Variants in ESF1 observed in about 807,000 individuals in gnomAD.
ESF1 encodes ESF1 nucleolar pre-rRNA processing protein, also known as ESF1 homolog.
In ESF1, 58 loss-of-function variants were observed where a neutral mutation model predicts 92.0. The observed-to-expected ratio is 0.63, with a 90% CI of 0.51 to 0.78. ESF1 has a LOEUF of 0.78. Among genes scored for constraint, ESF1 ranks in the 30% least tolerant of loss-of-function variants. The probability of loss-of-function intolerance (pLI) is 0.00; values close to 1 mark genes in which losing one functional copy is unlikely to be tolerated. For synonymous variants in ESF1, 321 were observed against 313.7 expected, an observed-to-expected ratio of 1.02 and a Z score of -0.24; for missense variants, 922 against 989.1, an observed-to-expected ratio of 0.93 and a Z score of 0.91.
At chr20:13,747,490 G>C (rs929480556) in intron 9 of ESF1, among the ~76,000 whole-genome samples, 2 of 151,882 alleles carry the variant, frequency 1.3e-5, no homozygotes, top group Non-Finnish European at 1.5e-5. Context: ...GCTTGAACCC[G>C]GGAGGTGGAG....
At chr20:13,747,104 T>G (rs1246226520) in intron 9 of ESF1, among the ~76,000 whole-genome samples, 1 of 152,140 alleles carries the variant, frequency 6.6e-6, no homozygotes, top group Admixed American at 6.5e-5. Context: ...TAATTTGTCA[T>G]CCACTGGTGG....
chr20:13,769,172 G>A (rs1353699440), intron 7 of ESF1, among the ~76,000 whole-genome samples: 1 of 152,030 alleles, frequency 6.6e-6, no homozygotes, highest in Non-Finnish European at 1.5e-5. Context: ...AATAACTGAT[G>A]TATTAGAGTG....
At chr20:13,721,217 C>G (rs570791152) in intron 11 of ESF1, among the ~76,000 whole-genome samples, 1 of 152,252 alleles carries the variant, frequency 6.6e-6, no homozygotes, top group African/African-American at 2.4e-5. Flanking sequence ...TAACACAGAG[C>G]AAAGAGAATT....
chr20:13,772,580 C>T lies in ESF1; in HGVS notation c.1185G>A (p.Lys395=), dbSNP rs1200093159. Residue 395 remains lysine (K), a synonymous_variant, in exon 5 of 14, where the codon AAG becomes AAA. Transcript: ENST00000617257. The part of the protein sequence containing the change: ...YPSEFGKERM[K]EEQVQGPVEL... ...CTACTGGTCCTTGAACTTGCTCTTC[C>T]TTCATCCTCTCCTTTCCAAATTCTG... 1.2e-6 allele frequency: 2 copies of T among 1,612,722 alleles called. No individual in the cohort carries two copies. The highest frequency in any genetic ancestry group is 2.7e-5 in the African/African-American group (2 of 74,884).
intron 6 of ESF1, among the ~76,000 whole-genome samples, chr20:13,770,452 T>A (rs976466439): frequency 4.6e-5 from 7 of 152,322 alleles, no homozygotes; most frequent in Middle Eastern, 3.4e-3. Context: ...CACTGAAGTC[T>A]CAACGGCCTG....
At chr20:13,763,435 G>T (rs769758089) in intron 8 of ESF1, among the ~76,000 whole-genome samples, 2 of 152,156 alleles carry the variant, frequency 1.3e-5, no homozygotes, top group Non-Finnish European at 2.9e-5. Context: ...ATTTAGTTCA[G>T]TTCTCCCAAA....
intron 8 of ESF1, chr20:13,762,954 G>A (rs7274911): frequency 4.0e-4 from 100 of 251,370 alleles, no homozygotes; most frequent in South Asian, 2.0e-3. Flanking sequence ...TCTGCCTCCC[G>A]GGTTCATGCC....
chr20:13,772,096 T>TAA (rs34368329), intron 5 of ESF1, among the ~76,000 whole-genome samples: 6 of 145,928 alleles, frequency 4.1e-5, no homozygotes, highest in African/African-American at 7.5e-5. Flanking sequence ...ACCATGATGA[T>TAA]AAAAAAAAAA....
At chr20:13,778,081 G>T (rs888291579) in intron 2 of ESF1, among the ~76,000 whole-genome samples, 6 of 152,148 alleles carry the variant, frequency 3.9e-5, no homozygotes, top group African/African-American at 1.4e-4. Context: ...TCACCATACA[G>T]TGAGAGACAT....
chr20:13,775,107 T>C lies in ESF1; in HGVS notation c.1149+50A>G. 2.4e-6 allele frequency: 3 copies of C among 1,262,040 alleles called. No individual in the cohort carries two copies. The South Asian group carries it at 4.2e-5, about 18-fold the overall frequency. The allele number at this position is 1,262,040 out of a possible 1,614,324, so 78.2% of individuals were successfully genotyped here. On this transcript the variant is annotated intron_variant, in intron 4 of 13. Transcript: ENST00000617257. ...CAAAAAAAAAAAAAAAAATCAGATT[T>C]AACTTAAAATGCCTAGAAATATTTA...
intron 9 of ESF1, among the ~76,000 whole-genome samples, chr20:13,739,857 C>T (rs1045362485): frequency 6.6e-6 from 1 of 151,912 alleles, no homozygotes; most frequent in Non-Finnish European, 1.5e-5. Context: ...GGCCAAGAAG[C>T]CAGCACACAG....
intron 11 of ESF1, 91 bp downstream of exon 11, chr20:13,728,287 T>G: frequency 3.1e-6 from 3 of 967,622 alleles, no homozygotes; most frequent in Non-Finnish European, 4.6e-6. Flanking sequence ...ATACTAGCAA[T>G]TTTAAAAGAA....
chr20:13,762,083 CTTTT>C (rs1979226497), intron 8 of ESF1, among the ~76,000 whole-genome samples: 1 of 151,968 alleles, frequency 6.6e-6, no homozygotes, highest in African/African-American at 2.4e-5. Context: ...GTCCTTGTAT[CTTTT>C]TTAATTTTTA....
intron 6 of ESF1, among the ~76,000 whole-genome samples, chr20:13,770,968 A>C (rs1418487933): frequency 6.6e-6 from 1 of 152,212 alleles, no homozygotes; most frequent in Non-Finnish European, 1.5e-5. Flanking sequence ...ATGGATCTAG[A>C]GATAACAATC....
At chr20:13,751,582 A>T (rs757984051) in intron 9 of ESF1, among the ~76,000 whole-genome samples, 18 of 152,208 alleles carry the variant, frequency 1.2e-4, no homozygotes, top group Non-Finnish European at 1.8e-4. Flanking sequence ...GTGGGGGGGA[A>T]CCAGATCAAT....
Position 13,766,781 on chromosome 20 carries a change from T to G in ESF1, c.1662A>C (p.Leu554=). ...SEDEEEIEEE[L]QGDDGVNVEE... The stretch of plus-strand genomic sequence containing the variant: ...TCACTGAAAGATTAACAATACCTTG[T>G]AGCTCCTCTTCTATCTCCTCTTCAT... The change falls in exon 8 of 14, where the codon CTA becomes CTC. Residue 554 remains leucine (L), a synonymous_variant. Coordinates refer to ENST00000617257, the MANE Select transcript of ESF1 (RefSeq NM_001276380.2). The G allele has an allele frequency of 1.9e-6, 3 of 1,613,354 alleles. No individual in the cohort carries two copies. The highest frequency in any genetic ancestry group is 1.7e-4 in the Middle Eastern group (1 of 5,790).
chr20:13,762,457 G>T (rs1187251603), intron 8 of ESF1, among the ~76,000 whole-genome samples: 1 of 152,138 alleles, frequency 6.6e-6, no homozygotes, highest in African/African-American at 2.4e-5. Context: ...TTAGAAGCAA[G>T]CTCCTTCCAG....
In ESF1 at chr20:13,784,882, T is replaced by G; in HGVS notation, c.-46A>C. Reference sequence around the variant, plus strand: ...AACTCCAGTCCATCCCCACTCACCGTCCGCAGTCCTACCAAGCCTCACGTG... The same window carrying G: ...AACTCCAGTCCATCCCCACTCACCGGCCGCAGTCCTACCAAGCCTCACGTG... On this transcript the variant is annotated splice_region_variant and 5_prime_UTR_variant, in exon 1 of 14. Transcript: ENST00000617257. The G allele has an allele frequency of 9.8e-6, 6 of 610,224 alleles. No homozygotes were observed. The highest frequency in any genetic ancestry group is 1.7e-5 in the Non-Finnish European group (6 of 345,394). 37.8% of individuals were successfully genotyped at this position (610,224 alleles called of 1,614,324 possible). A position where few individuals can be genotyped will look rare whatever the true frequency, so the allele number is the denominator to read the frequency against.
chr20:13,750,491 CG>C, intron 9 of ESF1, among the ~76,000 whole-genome samples: 1 of 152,188 alleles, frequency 6.6e-6, no homozygotes, highest in South Asian at 2.1e-4. Flanking sequence ...GGCGAAAGAG[CG>C]AGACTCCCTC....
Sources: gnomAD v4.1 joint callset for allele counts (sites outside exome capture counted in the v4.1 genomes callset) on GRCh38, gnomAD v4.1.1 for gene constraint, MANE v1.5 for transcripts, NCBI Gene and HGNC (gene_info 2026-07-23, HGNC 2026-07-21) for gene names.